EIPR1: variants seen among roughly 807,000 people sequenced by gnomAD.
The protein encoded by EIPR1 is EARP complex and GARP complex interacting protein 1.
In EIPR1, 25 loss-of-function variants were observed where a neutral mutation model predicts 48.1. The observed-to-expected ratio is 0.52, with a 90% CI of 0.38 to 0.73. The LOEUF is 0.73. Ranked by LOEUF, EIPR1 falls within the 30% of genes least tolerant of loss-of-function variation. The pLI, the probability that EIPR1 is intolerant of heterozygous loss-of-function variation, is 0.00. For missense variants in EIPR1, 415 were observed against 506.2 expected, an observed-to-expected ratio of 0.82 and a Z score of 1.73; for synonymous variants, 204 against 201.9, an observed-to-expected ratio of 1.01 and a Z score of -0.09.
intron 3 of EIPR1, among the ~76,000 whole-genome samples, chr2:3,264,562 G>C (rs1667430119): frequency 6.6e-6 from 1 of 152,176 alleles, no homozygotes; most frequent in African/African-American, 2.4e-5. Context: ...GGGCAGGACA[G>C]ATGAAAAAAG....
chr2:3,372,838 C>T (rs1659716584), intron 1 of EIPR1, among the ~76,000 whole-genome samples: 1 of 152,218 alleles, frequency 6.6e-6, no homozygotes, highest in Admixed American at 6.5e-5. Flanking sequence ...TGAAACTATT[C>T]CAATCAATAG....
intron 3 of EIPR1, among the ~76,000 whole-genome samples, chr2:3,324,644 G>A (rs993803990): frequency 2.0e-5 from 3 of 152,238 alleles, no homozygotes; most frequent in South Asian, 2.1e-4. Context: ...GAAGCATTTC[G>A]TGACCACTCG....
At chr2:3,212,487 C>T (rs1665490678) in intron 5 of EIPR1, among the ~76,000 whole-genome samples, 1 of 152,142 alleles carries the variant, frequency 6.6e-6, no homozygotes, top group African/African-American at 2.4e-5. Flanking sequence ...GGAGCTGGGC[C>T]CTCTGCCCAA....
intron 3 of EIPR1, among the ~76,000 whole-genome samples, chr2:3,323,827 T>C (rs183232433): frequency 1.3e-5 from 2 of 152,306 alleles, no homozygotes; most frequent in East Asian, 1.9e-4. Context: ...CGGGGCTAAA[T>C]GAACCCATCT....
At chr2:3,196,681 C>T (rs375473728) in intron 6 of EIPR1, among the ~76,000 whole-genome samples, 200 bp downstream of exon 6, 33 of 152,318 alleles carry the variant, frequency 2.2e-4, no homozygotes, top group African/African-American at 7.2e-4. Context: ...CGAGGTGCAC[C>T]GGTTCCATTG....
At chr2:3,366,674 C>G (rs1439411777) in intron 1 of EIPR1, among the ~76,000 whole-genome samples, 1 of 152,022 alleles carries the variant, frequency 6.6e-6, no homozygotes, top group Non-Finnish European at 1.5e-5. Flanking sequence ...TAAGCAACTG[C>G]AAATAAAAAA....
intron 5 of EIPR1, among the ~76,000 whole-genome samples, chr2:3,199,076 C>CCCCCCCCCCG (rs1664920586): frequency 1.2e-5 from 1 of 82,042 alleles, no homozygotes; most frequent in East Asian, 2.6e-4. Flanking sequence ...CCCCCCGCCC[C>CCCCCCCCCCG]GGGAATGCAT....
chr2:3,346,059 G>A (rs1432172241), intron 2 of EIPR1, among the ~76,000 whole-genome samples: 1 of 152,224 alleles, frequency 6.6e-6, no homozygotes, highest in Non-Finnish European at 1.5e-5. Context: ...CTCCCAGCAT[G>A]TTTTGTTCAT....
intron 8 of EIPR1, among the ~76,000 whole-genome samples, chr2:3,191,096 G>T (rs1280960287): frequency 6.6e-6 from 1 of 152,176 alleles, no homozygotes; most frequent in African/African-American, 2.4e-5. Context: ...GTTTTTGTTT[G>T]TCTCAAAAAC....
intron 3 of EIPR1, 168 bp from the exon 4 acceptor site, chr2:3,257,623 C>G: frequency 1.4e-6 from 1 of 702,424 alleles, no homozygotes; most frequent in Middle Eastern, 4.1e-4. Context: ...CAGCCTGAGT[C>G]GGCAGGCAGA....
chr2:3,310,273 A>G (rs1301066740), intron 3 of EIPR1, among the ~76,000 whole-genome samples: 1 of 152,200 alleles, frequency 6.6e-6, no homozygotes, highest in Non-Finnish European at 1.5e-5. Context: ...CAGGAAATAG[A>G]TACTAAGGGT....
intron 4 of EIPR1, among the ~76,000 whole-genome samples, chr2:3,249,256 A>G (rs1004032422): frequency 6.6e-6 from 1 of 152,250 alleles, no homozygotes; most frequent in African/African-American, 2.4e-5. Context: ...TCAGATGGAA[A>G]TGAGGAAGCT....
intron 2 of EIPR1, among the ~76,000 whole-genome samples, chr2:3,346,448 A>T (rs1486650831): frequency 1.3e-5 from 2 of 152,220 alleles, no homozygotes; most frequent in African/African-American, 4.8e-5. Context: ...CTGCAGTAGA[A>T]CTAATTCTTA....
In EIPR1 at chr2:3,189,402, G is replaced by A. The variant is rs781669239; in HGVS notation, c.1096C>T (p.Leu366=). Residue 366 remains leucine (L), a synonymous_variant, in exon 9 of 9, where the codon CTG becomes TTG. Coordinates refer to ENST00000382125, the MANE Select transcript of EIPR1 (RefSeq NM_003310.5). This position sits in a 1 kb window ranked among gnomAD's most constrained non-coding sequence, Gnocchi z 4.6. ...ATCACGAGCCTCCCGTCATAGCTCA[G>A]GGAGGCAAACAGCCACGGGTCAGCC... ...SSADPWLFAS[L]SYDGRLVINR... 1.2e-6 allele frequency: 2 copies of A among 1,603,418 alleles called. No homozygotes were observed. Among genetic ancestry groups the A allele is most frequent in the Admixed American group, 1.7e-5 (1 of 59,216 alleles).
chr2:3,338,234 C>T (rs930933044), intron 2 of EIPR1, 85 bp from the exon 3 acceptor site: 1 of 1,507,114 alleles, frequency 6.6e-7, no homozygotes, highest in Non-Finnish European at 9.0e-7. Context: ...AAAGAATAGT[C>T]ACATGCACAT....
intron 3 of EIPR1, among the ~76,000 whole-genome samples, chr2:3,316,913 C>T (rs375736653): frequency 1.3e-5 from 2 of 152,370 alleles, no homozygotes; most frequent in East Asian, 1.9e-4. Context: ...TGTCAGGTAC[C>T]ACCAAGAGTC....
chr2:3,337,030 GGAAAA>G (rs1205994671), intron 3 of EIPR1, among the ~76,000 whole-genome samples: 3 of 119,708 alleles, frequency 2.5e-5, no homozygotes, highest in Admixed American at 2.4e-4. Context: ...AAAAGGGAAG[GGAAAA>G]GAAAAGAGAA....
chr2:3,278,856 G>A (rs1572389642), intron 3 of EIPR1, among the ~76,000 whole-genome samples: 1 of 152,114 alleles, frequency 6.6e-6, no homozygotes, highest in Admixed American at 6.5e-5. Flanking sequence ...AGGAGGTCAC[G>A]GGGGGCACTG....
chr2:3,262,721 T>C (rs1460921518), intron 3 of EIPR1, among the ~76,000 whole-genome samples: 2 of 152,214 alleles, frequency 1.3e-5, no homozygotes, highest in Non-Finnish European at 2.9e-5. Flanking sequence ...GAGCAAGCCA[T>C]GCCATCTGCA....
Sources: gnomAD v4.1 joint callset for allele counts (sites outside exome capture counted in the v4.1 genomes callset) on GRCh38, gnomAD v4.1.1 for gene constraint, Gnocchi (gnomAD v3.1) non-coding constraint, MANE v1.5 for transcripts, NCBI Gene and HGNC (gene_info 2026-07-23, HGNC 2026-07-21) for gene names.